Variants in DNAH1 observed in about 807,000 individuals in gnomAD.
The protein encoded by DNAH1 is axonemal beta dynein heavy chain 1.
DNAH1 carries 327 observed loss-of-function variants against 484.3 expected under a neutral mutation model. The observed-to-expected ratio is 0.68, with a 90% CI of 0.62 to 0.74. The LOEUF (loss-of-function observed/expected upper bound fraction) is 0.74. DNAH1 is among the 30% of genes least tolerant of loss of function. The pLI is 0.00. For synonymous variants in DNAH1, 2,192 were observed against 2,191.9 expected (o/e 1.00, Z 0.00); for missense variants, 5,052 against 5,546.8 (o/e 0.91, Z 2.83).
intron 18 of DNAH1, 65 bp downstream of exon 18, chr3:52,352,772 C>A (rs754684009): frequency 2.1e-5 from 33 of 1,544,256 alleles, no homozygotes; most frequent in Non-Finnish European, 2.8e-5. Flanking sequence ...CATGTAGATG[C>A]AGCTGCCAGG....
Position 52,397,048 on chromosome 3 carries a change from A to G in DNAH1, c.11787+4A>G. On this transcript the variant is annotated splice_donor_region_variant and intron_variant, in intron 73 of 77. Coordinates refer to ENST00000420323, the MANE Select transcript of DNAH1 (RefSeq NM_015512.5). ...CCCGCCTACCTACGACCTCCACGTG[A>G]GTCCAGCCCAAAGGGCTGCACAGGA... The G allele has an allele frequency of 6.3e-7, 1 of 1,597,150 alleles. No homozygotes were observed. The highest frequency in any genetic ancestry group is 8.5e-7 in the Non-Finnish European group (1 of 1,172,088).
chr3:52,353,571 G>A lies in DNAH1; in HGVS notation c.3418G>A (p.Asp1140Asn). Residue 1140 changes from aspartate to asparagine, a missense_variant, in exon 20 of 78, where the codon GAC becomes AAC. By Grantham distance (23) the Asp-to-Asn change is conservative. Coordinates refer to ENST00000420323, the MANE Select transcript of DNAH1 (RefSeq NM_015512.5). The surrounding 1 kb of genome is among the most constrained non-coding windows in gnomAD (Gnocchi z 5.0). The stretch of plus-strand genomic sequence containing the variant: ...TCGCTGCCTGGAGATGAACCTGCAG[G>A]ACCATATCGAGAGCATCAGCAAGGT... Reference protein sequence around the residue: ...FARCLEMNLQDHIESISKVAE... With the variant: ...FARCLEMNLQNHIESISKVAE... 2 of 1,612,790 alleles carry A rather than the reference G, an allele frequency of 1.2e-6. No homozygotes were observed. Among genetic ancestry groups the A allele is most frequent in the East Asian group, 2.2e-5 (1 of 44,846 alleles).
chr3:52,338,799 G>A (rs1178904978), intron 8 of DNAH1, among the ~76,000 whole-genome samples: 2 of 151,814 alleles, frequency 1.3e-5, no homozygotes, highest in Non-Finnish European at 1.5e-5. Flanking sequence ...GCTGAGGTGG[G>A]TGGATCGCCT....
chr3:52,334,799 G>T (rs894891762), intron 8 of DNAH1, among the ~76,000 whole-genome samples: 4 of 151,674 alleles, frequency 2.6e-5, no homozygotes, highest in African/African-American at 9.7e-5. Context: ...TCAGAAAAAT[G>T]TATGTAATTA....
rs759518384 is a variant in DNAH1 at position 52,378,764 on chromosome 3, AC to A, written c.7364del (p.Pro2455ArgfsTer27). Reference protein sequence around the residue: ...SKVFQGMLMADPAKVEDQVQL... With the variant: ...SKVFQGMLMAXPAKVEDQVQL... ...GTCTTCCAAGGCATGCTCATGGCTGACCCGGCCAAGGTCGAGGTGAGGACCA... is the reference window on the plus strand; with the variant it reads ...GTCTTCCAAGGCATGCTCATGGCTGACCGGCCAAGGTCGAGGTGAGGACCA... On this transcript the variant is annotated frameshift_variant, in exon 47 of 78. Coordinates refer to ENST00000420323, the MANE Select transcript of DNAH1 (RefSeq NM_015512.5). LOFTEE classifies it high-confidence loss of function. 1 of 1,613,610 alleles carries A rather than the reference AC, an allele frequency of 6.2e-7. No homozygotes were observed. Among genetic ancestry groups the A allele is most frequent in the Non-Finnish European group, 8.5e-7 (1 of 1,179,850 alleles).
Position 52,331,303 on chromosome 3 carries a change from A to C in DNAH1, c.1027A>C (p.Thr343Pro). Reference protein sequence around the residue: ...GRPILNAGVTTEGRPPLQVCQ... With the variant: ...GRPILNAGVTPEGRPPLQVCQ... ...GCCCATCCTGAATGCAGGGGTCACCACTGAAGGTATGAGGTCCTGCCGCTG... is the reference window on the plus strand; with the variant it reads ...GCCCATCCTGAATGCAGGGGTCACCCCTGAAGGTATGAGGTCCTGCCGCTG... Residue 343 changes from threonine to proline, a missense_variant, in exon 7 of 78, where the codon ACT (threonine) becomes CCT (proline). By Grantham distance (38) the Thr-to-Pro change is conservative. Coordinates refer to ENST00000420323, the MANE Select transcript of DNAH1 (RefSeq NM_015512.5). 3 of 1,605,094 alleles carry C rather than the reference A, an allele frequency of 1.9e-6. No individual in the cohort carries two copies. In the South Asian group the frequency reaches 3.4e-5, roughly 18 times the overall value.
chr3:52,381,124 T>C lies in DNAH1; in HGVS notation c.7609-516T>C, dbSNP rs1703825647. Among the ~76,000 whole-genome samples the C allele has an allele frequency of 6.6e-6, 1 of 152,100 alleles. No homozygotes were observed. Among genetic ancestry groups the C allele is most frequent in the Admixed American group, 6.6e-5 (1 of 15,262 alleles). On this transcript the variant is annotated intron_variant, in intron 48 of 77. Transcript: ENST00000420323. This position sits in a 1 kb window ranked among gnomAD's most constrained non-coding sequence, Gnocchi z 4.1. ...TTGTTTGTGTGTGTGTGTATGTGAC[T>C]GGGTCTTGCTCCATCACCTAGGCTG...
rs1434304411 is a variant in DNAH1, at chr3:52,369,996, GC to G, written c.6118del (p.Leu2040SerfsTer17). 6.2e-7 allele frequency: 1 copy of G among 1,613,448 alleles called. No homozygotes were observed. The highest frequency in any genetic ancestry group is 8.5e-7 in the Non-Finnish European group (1 of 1,179,528). ...GAAGCCCTATGAGGAGCATTTCAAG[GC>G]CCTCTTTGTCAGCTTCCTGGAGGTG... Reference protein sequence around the residue: ...LLKPYEEHFKALFVSFLEESI... With the variant: ...LLKPYEEHFKXLFVSFLEESI... On this transcript the variant is annotated frameshift_variant, in exon 38 of 78. Transcript: ENST00000420323. LOFTEE classifies it high-confidence loss of function.
chr3:52,374,243 G>C, intron 44 of DNAH1: 1 of 1,450,676 alleles, frequency 6.9e-7, no homozygotes, highest in South Asian at 1.1e-5. Context: ...GGAAATATTG[G>C]GAAGTATAAT....
chr3:52,321,454 G>A (rs1701145127), intron 1 of DNAH1, among the ~76,000 whole-genome samples: 1 of 152,122 alleles, frequency 6.6e-6, no homozygotes, highest in African/African-American at 2.4e-5. Context: ...GGTAATTGTA[G>A]ACCCCCTTTT....
intron 34 of DNAH1, among the ~76,000 whole-genome samples, chr3:52,365,806 C>T (rs1703048898): frequency 2.0e-5 from 3 of 152,180 alleles, no homozygotes; most frequent in African/African-American, 4.8e-5. Flanking sequence ...ATGTGCAGCT[C>T]GAATGCTTCC....
In DNAH1 at chr3:52,376,912, G is replaced by A. The variant is rs542402644; in HGVS notation, c.7198+919G>A. Reference sequence around the variant, plus strand: ...TCTCGCCTTCCCAGGGGTCAGTAGTGCTGGCCGGCAGACATCCCCTTCCTG... The same window carrying A: ...TCTCGCCTTCCCAGGGGTCAGTAGTACTGGCCGGCAGACATCCCCTTCCTG... On this transcript the variant is annotated intron_variant, in intron 46 of 77. Transcript: ENST00000420323. Among the ~76,000 whole-genome samples the A allele has an allele frequency of 1.0e-3, 159 of 151,862 alleles. 1 individual carries two copies. The highest frequency in any genetic ancestry group is 3.7e-3 in the African/African-American group (153 of 41,384).
At chr3:52,399,406 C>T in intron 76 of DNAH1, 139 bp from the exon 77 acceptor site, 1 of 937,792 alleles carries the variant, frequency 1.1e-6, no homozygotes, top group Non-Finnish European at 1.6e-6. Flanking sequence ...AGACCACAGG[C>T]CATGGGCTAA....
intron 59 of DNAH1, 102 bp downstream of exon 59, chr3:52,389,039 T>C: frequency 7.4e-7 from 1 of 1,345,312 alleles, no homozygotes; most frequent in Non-Finnish European, 9.9e-7. Context: ...CAGGTGGCTC[T>C]CCGCTCACTC....
intron 8 of DNAH1, among the ~76,000 whole-genome samples, chr3:52,334,475 C>T (rs1701665893): frequency 6.6e-6 from 1 of 152,116 alleles, no homozygotes; most frequent in Non-Finnish European, 1.5e-5. Flanking sequence ...ATTTTTCTTT[C>T]TTCAATAATA....
rs898845986 is a variant in DNAH1 at position 52,388,549 on chromosome 3, G to A, written c.9303G>A (p.Lys3101=). The change falls in exon 58 of 78, where the codon AAG becomes AAA. Residue 3101 remains lysine, a synonymous_variant. Transcript: ENST00000420323. ...MQAKYRECIT[K]KEELELKCEQ... ...CTAAGTACCGGGAATGCATTACCAAGAAGGAGGAGCTGGAGCTGAAGTGTG... is the reference window on the plus strand; with the variant it reads ...CTAAGTACCGGGAATGCATTACCAAAAAGGAGGAGCTGGAGCTGAAGTGTG... 1 of 1,613,156 alleles carries A rather than the reference G, an allele frequency of 6.2e-7. No individual in the cohort carries two copies. Among genetic ancestry groups the A allele is most frequent in the Admixed American group, 1.7e-5 (1 of 59,936 alleles).
At chr3:52,376,567 C>T (rs1703612943) in intron 46 of DNAH1, among the ~76,000 whole-genome samples, 1 of 152,182 alleles carries the variant, frequency 6.6e-6, no homozygotes, top group Non-Finnish European at 1.5e-5. Context: ...AGCCCAGCCT[C>T]CTCCTGGGCC....
chr3:52,345,729 G>C, intron 10 of DNAH1, 23 bp downstream of exon 10: 1 of 1,600,976 alleles, frequency 6.2e-7, no homozygotes, highest in Non-Finnish European at 8.5e-7. Flanking sequence ...CAAGGGCACA[G>C]GGGGCAAACG....
intron 50 of DNAH1, 105 bp from the exon 51 acceptor site, chr3:52,383,281 G>A (rs1703937994): frequency 1.9e-6 from 2 of 1,032,186 alleles, no homozygotes; most frequent in Non-Finnish European, 2.9e-6. Flanking sequence ...CTGAGCCTTA[G>A]TGGTACAGTC....
Sources: allele counts gnomAD v4.1 joint callset (sites outside exome capture counted in the v4.1 genomes callset), GRCh38; gene constraint gnomAD v4.1.1; non-coding constraint Gnocchi (gnomAD v3.1); transcripts MANE v1.5; gene names NCBI Gene and HGNC (gene_info 2026-07-23, HGNC 2026-07-21).